The following CALHM4 variants were observed in gnomAD, a reference collection of about 807,000 sequenced individuals.
CALHM4 encodes the protein calcium homeostasis modulator protein 4.
Under a neutral mutation model 13.3 loss-of-function variants are expected in CALHM4, and 16 were observed. That is an observed-to-expected ratio of 1.20 (90% confidence interval 0.81 to 1.82). CALHM4 has a LOEUF of 1.82. Ranked by LOEUF, CALHM4 falls within the 40% of genes most tolerant of loss-of-function variation. The pLI is 0.00. For synonymous variants in CALHM4, 127 were observed against 137.1 expected (o/e 0.93, Z 0.52); for missense variants, 344 against 374.9 (o/e 0.92, Z 0.68).
intron 2 of CALHM4, among the ~76,000 whole-genome samples, chr6:116,546,542 C>T (rs1773791250): frequency 6.6e-6 from 1 of 152,118 alleles, no homozygotes; most frequent in African/African-American, 2.4e-5. Flanking sequence ...GTTGAAAGAA[C>T]CTAGGAGGAT....
exon 2 of CALHM4, chr6:116,543,773 A>C (rs1251068194): frequency 1.3e-6 from 2 of 1,488,514 alleles, no homozygotes; most frequent in South Asian, 2.5e-5. Context: ...AGTTGGAAGC[A>C]AGAATTGGAT....
upstream of CALHM4, among the ~76,000 whole-genome samples, chr6:116,550,118 TCAC>T (rs1269622659): frequency 2.0e-5 from 3 of 150,930 alleles, no homozygotes; most frequent in African/African-American, 7.3e-5. Flanking sequence ...AGTTATACAA[TCAC>T]AGACTACAAG....
intron 1 of CALHM4, among the ~76,000 whole-genome samples, chr6:116,537,277 A>G (rs1418494571): frequency 1.3e-5 from 2 of 152,324 alleles, no homozygotes; most frequent in African/African-American, 4.8e-5. Flanking sequence ...ATGGTTGATA[A>G]GACATGAAAA....
At chr6:116,542,330 T>C (rs1383174037) in intron 1 of CALHM4, among the ~76,000 whole-genome samples, 1 of 151,884 alleles carries the variant, frequency 6.6e-6, no homozygotes, top group Non-Finnish European at 1.5e-5. Context: ...AAATAAATTA[T>C]AATTTTTTTA....
upstream of CALHM4, among the ~76,000 whole-genome samples, chr6:116,551,718 T>C (rs560028745): frequency 6.6e-6 from 1 of 152,332 alleles, no homozygotes; most frequent in East Asian, 1.9e-4. Context: ...TCATTTCTCT[T>C]GTGTAGGTAA....
rs373777922 is a variant in CALHM4, at chr6:116,541,971, A to T, written c.-108-1794A>T. ...AAGATCTTTCTGCAGCTTCTCAAAA[A>T]TTTATTCTTTAATATTTCTTTCATA... is the stretch of plus-strand genomic sequence containing the variant. On this transcript the variant is annotated intron_variant, in intron 1 of 2. Coordinates refer to the CALHM4 transcript ENST00000368597. Among the ~76,000 whole-genome samples the T allele has an allele frequency of 6.6e-5, 10 of 152,278 alleles. No individual in the cohort carries two copies. In the East Asian group the frequency reaches 9.6e-4, roughly 15 times the overall value.
At position 116,558,133 on chromosome 6, in the gene CALHM4, T is replaced by C. The variant is rs753031263; in HGVS notation, c.867T>C (p.Gly289=). ...TATGCATGGGTGATGACTTGCAAGG[T>C]CACTATAGCTTCCTTGGAAATAGGG... The part of the protein sequence containing the change: ...TLLCMGDDLQ[G]HYSFLGNRVD... Residue 289 remains glycine (G), a synonymous_variant, in exon 2 of 2, where the codon GGT becomes GGC. Coordinates refer to ENST00000368596, the MANE Select transcript of CALHM4 (RefSeq NM_001366078.2). The C allele has an allele frequency of 3.7e-6, 6 of 1,614,140 alleles. No homozygotes were observed. The highest frequency in any genetic ancestry group is 2.5e-6 in the Non-Finnish European group (3 of 1,179,996).
intron 1 of CALHM4, among the ~76,000 whole-genome samples, chr6:116,530,680 G>A (rs1401683886): frequency 6.6e-6 from 1 of 151,930 alleles, no homozygotes; most frequent in African/African-American, 2.4e-5. Flanking sequence ...GCTTCCAAGT[G>A]CAGAGTCATT....
chr6:116,554,334 C>T lies in CALHM4; in HGVS notation c.541C>T (p.His181Tyr), dbSNP rs1440017584. The T allele has an allele frequency of 1.3e-6, 2 of 1,539,790 alleles. No individual in the cohort carries two copies. The highest frequency in any genetic ancestry group is 1.8e-6 in the Non-Finnish European group (2 of 1,142,626). ...ILVRDEIALL[H>Y]RYQSQMLGWI... ...AGTAAGAGATGAAATAGCTCTTCTG[C>T]ACAGATACCAGTCACAGGTAAGTTT... Residue 181 changes from histidine (H) to tyrosine (Y), a missense_variant, in exon 1 of 2, where the codon CAC (histidine) becomes TAC (tyrosine). Coordinates refer to ENST00000368596, the MANE Select transcript of CALHM4 (RefSeq NM_001366078.2).
intron 1 of CALHM4, among the ~76,000 whole-genome samples, chr6:116,541,459 A>G (rs1001254261): frequency 6.6e-6 from 1 of 152,202 alleles, no homozygotes; most frequent in African/African-American, 2.4e-5. Context: ...TTCAGAGGCA[A>G]TGATTACTCC....
rs1052062473 is a variant in CALHM4 at position 116,546,923 on chromosome 6, A to T, written c.-1+3051A>T. 2.0e-5 allele frequency among the ~76,000 whole-genome samples: 3 copies of T among 152,178 alleles called. No individual in the cohort carries two copies. The East Asian group carries it at 5.8e-4, about 29-fold the overall frequency. On this transcript the variant is annotated intron_variant, in intron 2 of 2. Coordinates refer to the CALHM4 transcript ENST00000368597. The stretch of plus-strand genomic sequence containing the variant: ...GCAAATAATAACGACTTATATGTAT[A>T]TCAAATTTACAGTTTACAACATGGT...
At chr6:116,556,644 G>A (rs73769132) in intron 1 of CALHM4, among the ~76,000 whole-genome samples, 2,115 of 152,248 alleles carry the variant, frequency 0.014, 48 homozygotes, top group African/African-American at 0.049. Flanking sequence ...TACTGCTAGC[G>A]TCCCTAAATA....
chr6:116,536,731 G>A lies in CALHM4; in HGVS notation c.-108-7034G>A, dbSNP rs527337921. ...ATGATGGTGTTCGGTAGAAGTGTGT[G>A]GTCTGAGAGGGGAGCCAAACAAATT... On this transcript the variant is annotated intron_variant, in intron 1 of 2. Coordinates refer to the CALHM4 transcript ENST00000368597. Among the ~76,000 whole-genome samples the A allele has an allele frequency of 4.6e-5, 7 of 152,196 alleles. 1 individual carries two copies. The East Asian group carries it at 1.4e-3, about 29-fold the overall frequency.
In CALHM4 at chr6:116,557,786, T is replaced by C; in HGVS notation, c.559-39T>C. On this transcript the variant is annotated intron_variant, in intron 1 of 1. Coordinates refer to ENST00000368596, the MANE Select transcript of CALHM4 (RefSeq NM_001366078.2). Reference sequence around the variant, plus strand: ...GGCTGTTGCTTGAATATTTGATGCATTGATACTTCCTGTTTTTCTTTTTAA... The same window carrying C: ...GGCTGTTGCTTGAATATTTGATGCACTGATACTTCCTGTTTTTCTTTTTAA... 1.9e-6 allele frequency: 3 copies of C among 1,588,152 alleles called. No homozygotes were observed. The South Asian group carries it at 3.4e-5, about 18-fold the overall frequency.
chr6:116,544,230 G>C (rs1375975908), intron 2 of CALHM4, among the ~76,000 whole-genome samples: 1 of 151,460 alleles, frequency 6.6e-6, no homozygotes, highest in Non-Finnish European at 1.5e-5. Flanking sequence ...ATTTGAAAAA[G>C]AGAAAAGTAG....
At position 116,537,535 on chromosome 6, in the gene CALHM4, C is replaced by T. The variant is rs941441456; in HGVS notation, c.-108-6230C>T. On this transcript the variant is annotated intron_variant, in intron 1 of 2. Coordinates refer to the CALHM4 transcript ENST00000368597. Reference sequence around the variant, plus strand: ...GAATTCATTTTCTTTCCTATGCTCTCCATAGAACATTTCTTACTCGATTCC... The same window carrying T: ...GAATTCATTTTCTTTCCTATGCTCTTCATAGAACATTTCTTACTCGATTCC... 2.0e-5 allele frequency among the ~76,000 whole-genome samples: 3 copies of T among 152,224 alleles called. No homozygotes were observed. In the East Asian group the frequency reaches 5.8e-4, roughly 29 times the overall value.
upstream of CALHM4, among the ~76,000 whole-genome samples, chr6:116,551,868 C>T (rs948021174): frequency 6.6e-6 from 1 of 152,178 alleles, no homozygotes; most frequent in South Asian, 2.1e-4. Flanking sequence ...TCCTTGCCAA[C>T]ATTTGGTATG....
Position 116,560,440 on chromosome 6 carries a change from T to C in CALHM4, c.*2229T>C, listed in dbSNP as rs1774533940. Among the ~76,000 whole-genome samples the C allele has an allele frequency of 6.6e-6, 1 of 152,230 alleles. No individual in the cohort carries two copies. The highest frequency in any genetic ancestry group is 2.4e-5 in the African/African-American group (1 of 41,476). ...TACATCAAACTCTTTTAGTGTATGA[T>C]GTAAAAATTTTATATTTTGAGCCAG... On this transcript the variant is annotated 3_prime_UTR_variant, in exon 2 of 2. Transcript: ENST00000368596.
At chr6:116,537,208 G>A (rs950316943) in intron 1 of CALHM4, among the ~76,000 whole-genome samples, 33 of 152,200 alleles carry the variant, frequency 2.2e-4, no homozygotes, top group African/African-American at 7.7e-4. Flanking sequence ...GCATAGGAGT[G>A]GAAGTGGATC....
Sources: gnomAD v4.1 joint callset for allele counts (sites outside exome capture counted in the v4.1 genomes callset) on GRCh38, gnomAD v4.1.1 for gene constraint, MANE v1.5 for transcripts, NCBI Gene and HGNC (gene_info 2026-07-23, HGNC 2026-07-21) for gene names.